The following KCNK12 variants were observed in gnomAD, a reference collection of about 807,000 sequenced individuals.
KCNK12 encodes the protein potassium two pore domain channel subfamily K member 12, also known as potassium channel subfamily K member 12.
KCNK12 carries 6 observed loss-of-function variants against 25.3 expected under a neutral mutation model. The observed-to-expected ratio is 0.24, with a 90% CI of 0.13 to 0.47. The LOEUF is 0.47. KCNK12 is among the 20% of genes least tolerant of loss of function. KCNK12 has a pLI of 0.99. For synonymous variants in KCNK12, 331 were observed against 311.1 expected, an observed-to-expected ratio of 1.06 and a Z score of -0.67; for missense variants, 444 against 661.7, an observed-to-expected ratio of 0.67 and a Z score of 3.61.
In KCNK12 at chr2:47,518,635, C is replaced by G. The variant is rs1313408684; in HGVS notation, c.*2272G>C. 6.6e-6 allele frequency: 1 copy of G among 152,368 alleles called. No homozygotes were observed. The highest frequency in any genetic ancestry group is 1.5e-5 in the Non-Finnish European group (1 of 68,206). 9.4% of individuals were successfully genotyped at this position (152,368 alleles called of 1,614,324 possible). A position where few individuals can be genotyped will look rare whatever the true frequency, so the allele number is the denominator to read the frequency against. ...GTCCTGCACGCTGGGCGGGGGATTG[C>G]CTGGAGGTTTCTTTAGACCTGTCTA... On this transcript the variant is annotated 3_prime_UTR_variant, in exon 2 of 2. Transcript: ENST00000327876. This position sits in a 1 kb window ranked among gnomAD's most constrained non-coding sequence, Gnocchi z 4.1.
In KCNK12 at chr2:47,566,156, G is replaced by A. The variant is rs1317919560; in HGVS notation, c.391+3785C>T. On this transcript the variant is annotated intron_variant, in intron 1 of 1. Coordinates refer to ENST00000327876, the MANE Select transcript of KCNK12 (RefSeq NM_022055.2). This position sits in a 1 kb window ranked among gnomAD's most constrained non-coding sequence, Gnocchi z 4.1. ...CCTGAACGGCTGCTGAATAATCACA[G>A]GCAAAATTTTCCACTGGTACCGCAC... 6.6e-6 allele frequency: 1 copy of A among 152,176 alleles called. No homozygotes were observed. The highest frequency in any genetic ancestry group is 1.5e-5 in the Non-Finnish European group (1 of 68,032). The allele number at this position is 152,176 out of a possible 1,614,324, so 9.4% of individuals were successfully genotyped here. A position where few individuals can be genotyped will look rare whatever the true frequency, so the allele number is the denominator to read the frequency against.
chr2:47,544,009 G>A (rs960798265), intron 1 of KCNK12, among the ~76,000 whole-genome samples: 2 of 152,084 alleles, frequency 1.3e-5, no homozygotes, highest in Non-Finnish European at 2.9e-5. Context: ...AGTACGCAGG[G>A]CCTGCCTTCC....
chr2:47,554,549 G>A (rs564138735), intron 1 of KCNK12, among the ~76,000 whole-genome samples: 22 of 152,334 alleles, frequency 1.4e-4, no homozygotes, highest in Middle Eastern at 3.4e-3. Flanking sequence ...TAAGTCCAGC[G>A]TGGCTGTAGT....
rs768434574 is a variant in KCNK12 at position 47,525,996 on chromosome 2, G to C, written c.392-4188C>G. 3.3e-5 allele frequency among the ~76,000 whole-genome samples: 5 copies of C among 152,228 alleles called. No individual in the cohort carries two copies. Among genetic ancestry groups the C allele is most frequent in the South Asian group, 2.1e-4 (1 of 4,832 alleles). On this transcript the variant is annotated intron_variant, in intron 1 of 1. Coordinates refer to ENST00000327876, the MANE Select transcript of KCNK12 (RefSeq NM_022055.2). This position sits in a 1 kb window ranked among gnomAD's most constrained non-coding sequence, Gnocchi z 4.1. Reference sequence around the variant, plus strand: ...AGCCATGTGTCAGCCCAGAGCTAGAGGGGGAGGCTAAATAAGCTCTGATTA... The same window carrying C: ...AGCCATGTGTCAGCCCAGAGCTAGACGGGGAGGCTAAATAAGCTCTGATTA...
chr2:47,545,989 G>A (rs965893448), intron 1 of KCNK12, among the ~76,000 whole-genome samples: 3 of 152,046 alleles, frequency 2.0e-5, no homozygotes, highest in Admixed American at 1.3e-4. Context: ...CTCCCTCAGG[G>A]AGGAACCCAT....
At chr2:47,553,759 A>G (rs766517841) in intron 1 of KCNK12, among the ~76,000 whole-genome samples, 2 of 152,190 alleles carry the variant, frequency 1.3e-5, no homozygotes, top group Non-Finnish European at 2.9e-5. Flanking sequence ...AAAGCCCTCC[A>G]ATATGACCTT....
rs1326802240 is a variant in KCNK12 at position 47,566,859 on chromosome 2, C to T, written c.391+3082G>A. 1 of 152,222 alleles carries T rather than the reference C, an allele frequency of 6.6e-6. No homozygotes were observed. The highest frequency in any genetic ancestry group is 2.1e-4 in the South Asian group (1 of 4,832). 9.4% of individuals were successfully genotyped at this position (152,222 alleles called of 1,614,324 possible). ...GAACCCCTCATTAACTGTGTGACCA[C>T]TGACAAGTCCCCTAACCCTGTGCCA... On this transcript the variant is annotated intron_variant, in intron 1 of 1. Transcript: ENST00000327876. The surrounding 1 kb of genome is among the most constrained non-coding windows in gnomAD (Gnocchi z 4.1).
chr2:47,541,677 A>G (rs2104815694), intron 1 of KCNK12, among the ~76,000 whole-genome samples: 1 of 152,270 alleles, frequency 6.6e-6, no homozygotes, highest in Non-Finnish European at 1.5e-5. Context: ...CTAATCCAAT[A>G]TGGCTGGTGT....
Position 47,569,474 on chromosome 2 carries a change from G to A in KCNK12, c.391+467C>T, listed in dbSNP as rs977586990. Among the ~76,000 whole-genome samples, 3 of 151,858 alleles carry A rather than the reference G, an allele frequency of 2.0e-5. No homozygotes were observed. Among genetic ancestry groups the A allele is most frequent in the Non-Finnish European group, 4.4e-5 (3 of 67,960 alleles). ...CCCTCTCCAGGGTAAAGGAGTTAGA[G>A]GCCACTGAGGGAGAAAACAGGGTAA... is the stretch of plus-strand genomic sequence containing the variant. On this transcript the variant is annotated intron_variant, in intron 1 of 1. Transcript: ENST00000327876. This position sits in a 1 kb window ranked among gnomAD's most constrained non-coding sequence, Gnocchi z 4.1.
Position 47,570,340 on chromosome 2 carries a change from G to A in KCNK12, c.-9C>T. The A allele has an allele frequency of 8.0e-7, 1 of 1,253,024 alleles. No individual in the cohort carries two copies. The highest frequency in any genetic ancestry group is 2.9e-5 in the South Asian group (1 of 34,340). 77.6% of individuals were successfully genotyped at this position (1,253,024 alleles called of 1,614,324 possible). On this transcript the variant is annotated 5_prime_UTR_variant, in exon 1 of 2. Transcript: ENST00000327876. ...GGGCTGCGGGAGGACATGGTCCGGA[G>A]CTCAGCCCCGGGGCCGGGGCGGCGC...
chr2:47,552,949 C>T (rs1669470446), intron 1 of KCNK12, among the ~76,000 whole-genome samples: 2 of 152,104 alleles, frequency 1.3e-5, no homozygotes, highest in Admixed American at 1.3e-4. Flanking sequence ...GTCTTTGGCT[C>T]CTGAAAATAT....
rs900416363 is a variant in KCNK12, at chr2:47,525,578, G to A, written c.392-3770C>T. Among the ~76,000 whole-genome samples, 8 of 152,190 alleles carry A rather than the reference G, an allele frequency of 5.3e-5. No individual in the cohort carries two copies. Among genetic ancestry groups the A allele is most frequent in the African/African-American group, 1.9e-4 (8 of 41,444 alleles). On this transcript the variant is annotated intron_variant, in intron 1 of 1. Coordinates refer to ENST00000327876, the MANE Select transcript of KCNK12 (RefSeq NM_022055.2). The surrounding 1 kb of genome is among the most constrained non-coding windows in gnomAD (Gnocchi z 4.1). ...GTCCCAGGGGCCATCTGTACTTCAA[G>A]GGCTTGCTTCATCAGGAGATGTGAG... is the stretch of plus-strand genomic sequence containing the variant.
Position 47,533,610 on chromosome 2 carries a change from C to T in KCNK12, c.392-11802G>A, listed in dbSNP as rs1013533199. Reference sequence around the variant, plus strand: ...CCTACCTCGCTGGGCCTCCATCTCCCCACCTCTGGCTCACTTCCTGCTTTG... The same window carrying T: ...CCTACCTCGCTGGGCCTCCATCTCCTCACCTCTGGCTCACTTCCTGCTTTG... On this transcript the variant is annotated intron_variant, in intron 1 of 1. Transcript: ENST00000327876. This position sits in a 1 kb window ranked among gnomAD's most constrained non-coding sequence, Gnocchi z 4.7. Among the ~76,000 whole-genome samples the T allele has an allele frequency of 3.3e-5, 5 of 152,232 alleles. No homozygotes were observed. The highest frequency in any genetic ancestry group is 1.3e-4 in the Admixed American group (2 of 15,290).
At chr2:47,537,088 C>A (rs374341611) in intron 1 of KCNK12, among the ~76,000 whole-genome samples, 41 of 152,338 alleles carry the variant, frequency 2.7e-4, no homozygotes, top group African/African-American at 9.6e-4. Flanking sequence ...GGCAGATCCT[C>A]CCAGCCCCAC....
rs1669720700 is a variant in KCNK12 at position 47,563,280 on chromosome 2, C to A, written c.391+6661G>T. The A allele has an allele frequency of 1.7e-5, 4 of 233,640 alleles. No homozygotes were observed. In the South Asian group the frequency reaches 5.4e-4, roughly 32 times the overall value. The allele number at this position is 233,640 out of a possible 1,614,324, so 14.5% of individuals were successfully genotyped here. On this transcript the variant is annotated intron_variant, in intron 1 of 1. Coordinates refer to ENST00000327876, the MANE Select transcript of KCNK12 (RefSeq NM_022055.2). ...CCTCTGTGCGTAGCGCAACACTCAC[C>A]CCTTCTGGGAAGCCTTGGTGCCCTC...
At chr2:47,552,595 C>T (rs1017540391) in intron 1 of KCNK12, among the ~76,000 whole-genome samples, 1 of 152,040 alleles carries the variant, frequency 6.6e-6, no homozygotes, top group Admixed American at 6.6e-5. Flanking sequence ...TGGTGAAACC[C>T]CATCTCTACT....
Position 47,570,247 on chromosome 2 carries a change from G to GGCGGCAGCA in KCNK12, c.76_84dup (p.Cys26_Arg28dup). On this transcript the variant is annotated inframe_insertion, in exon 1 of 2. Coordinates refer to ENST00000327876, the MANE Select transcript of KCNK12 (RefSeq NM_022055.2). ...CCGGTGTCCTCGTTGAGGTGCGAAC[G>GGCGGCAGCA]GCGGCAGCAGCAGCAGCAGCAGGAG... 1.4e-6 allele frequency: 2 copies of GGCGGCAGCA among 1,453,512 alleles called. No individual in the cohort carries two copies. The highest frequency in any genetic ancestry group is 1.8e-6 in the Non-Finnish European group (2 of 1,102,970). 90.0% of individuals were successfully genotyped at this position (1,453,512 alleles called of 1,614,324 possible).
Position 47,556,673 on chromosome 2 carries a change from G to A in KCNK12, c.391+13268C>T, listed in dbSNP as rs188569433. 1.6e-3 allele frequency among the ~76,000 whole-genome samples: 242 copies of A among 152,264 alleles called. 1 individual carries two copies. The highest frequency in any genetic ancestry group is 5.2e-3 in the African/African-American group (215 of 41,554). ...AACATAGGGAGAGAGGGGCAAGGAAGTTAAGGGTCTCTGAAAAGGGAATGA... is the reference window on the plus strand; with the variant it reads ...AACATAGGGAGAGAGGGGCAAGGAAATTAAGGGTCTCTGAAAAGGGAATGA... On this transcript the variant is annotated intron_variant, in intron 1 of 1. Coordinates refer to ENST00000327876, the MANE Select transcript of KCNK12 (RefSeq NM_022055.2). This position sits in a 1 kb window ranked among gnomAD's most constrained non-coding sequence, Gnocchi z 4.8.
At position 47,520,034 on chromosome 2, in the gene KCNK12, T is replaced by A. The variant is rs1274517766; in HGVS notation, c.*873A>T. On this transcript the variant is annotated 3_prime_UTR_variant, in exon 2 of 2. Coordinates refer to ENST00000327876, the MANE Select transcript of KCNK12 (RefSeq NM_022055.2). The surrounding 1 kb of genome is among the most constrained non-coding windows in gnomAD (Gnocchi z 5.0). The stretch of plus-strand genomic sequence containing the variant: ...AAATAAATATCTTGTCTGAGAAGAC[T>A]CAGATATTCCTGGTTAATATTGAAA... The A allele has an allele frequency of 6.6e-6, 1 of 152,206 alleles. No homozygotes were observed. Among genetic ancestry groups the A allele is most frequent in the Non-Finnish European group, 1.5e-5 (1 of 68,034 alleles). The allele number at this position is 152,206 out of a possible 1,614,324, so 9.4% of individuals were successfully genotyped here.
Sources: gnomAD v4.1 joint callset for allele counts (sites outside exome capture counted in the v4.1 genomes callset) on GRCh38, gnomAD v4.1.1 for gene constraint, Gnocchi (gnomAD v3.1) non-coding constraint, MANE v1.5 for transcripts, NCBI Gene and HGNC (gene_info 2026-07-23, HGNC 2026-07-21) for gene names.